Variants in IGHMBP2 observed in about 807,000 individuals in gnomAD.
IGHMBP2 encodes the protein DNA-binding protein SMUBP-2.
In IGHMBP2, 81 loss-of-function variants were observed where a neutral mutation model predicts 96.0. The ratio of observed to expected loss-of-function variants is 0.84; its 90% CI spans 0.71 to 1.01. The LOEUF is 1.01. Among genes scored for constraint, IGHMBP2 ranks in the 50% least tolerant of loss-of-function variants. The pLI, the probability that IGHMBP2 is intolerant of heterozygous loss-of-function variation, is 0.00. For missense variants in IGHMBP2, 1,227 were observed against 1,306.3 expected, an observed-to-expected ratio of 0.94 and a Z score of 0.94; for synonymous variants, 557 against 548.9, an observed-to-expected ratio of 1.01 and a Z score of -0.21.
At chr11:68,918,596 C>T (rs1408432878) in intron 7 of IGHMBP2, among the ~76,000 whole-genome samples, 3 of 151,904 alleles carry the variant, frequency 2.0e-5, no homozygotes, top group East Asian at 1.9e-4. Flanking sequence ...GAACCAAGAT[C>T]GCGCCACTGC....
chr11:68,919,712 T>A (rs1267404147), intron 7 of IGHMBP2, among the ~76,000 whole-genome samples: 1 of 152,242 alleles, frequency 6.6e-6, no homozygotes, highest in Non-Finnish European at 1.5e-5. Context: ...TTCCTGCAGT[T>A]CTATTGGTTT....
intron 14 of IGHMBP2, 84 bp from the exon 15 acceptor site, chr11:68,939,450 C>T (rs1013379197): frequency 1.4e-6 from 2 of 1,454,874 alleles, no homozygotes; most frequent in Non-Finnish European, 1.9e-6. Context: ...GCGCCTGTGG[C>T]CCCCCAGCTC....
chr11:68,921,246 T>TTTTA (rs547237795), intron 7 of IGHMBP2, among the ~76,000 whole-genome samples: 168 of 151,924 alleles, frequency 1.1e-3, no homozygotes, highest in African/African-American at 4.0e-3. Flanking sequence ...AGGAATTTAT[T>TTTTA]TTTATTTATT....
chr11:68,929,364 C>A lies in IGHMBP2; in HGVS notation c.1235+7C>A. The A allele has an allele frequency of 6.2e-7, 1 of 1,612,302 alleles. No homozygotes were observed. The highest frequency in any genetic ancestry group is 1.1e-5 in the South Asian group (1 of 91,070). ...CCACCACAGTCTCTCACAAGTAAGA[C>A]CCCTTTGCCTCACATGCCCTTCTCT... On this transcript the variant is annotated splice_region_variant and intron_variant, in intron 8 of 14. Transcript: ENST00000255078.
intron 1 of IGHMBP2, 25 bp from the exon 2 acceptor site, chr11:68,906,044 A>G: frequency 6.2e-7 from 1 of 1,612,102 alleles, no homozygotes; most frequent in South Asian, 1.1e-5. Context: ...AAAATCCTGA[A>G]GCATCAATAC....
chr11:68,908,114 G>T (rs1858274541), intron 2 of IGHMBP2, 31 bp from the exon 3 acceptor site: 2 of 1,572,722 alleles, frequency 1.3e-6, no homozygotes, highest in Non-Finnish European at 8.7e-7. Context: ...TTTCCCCAGT[G>T]TCTTGTGTCA....
At chr11:68,939,184 T>TG (rs1566449197) in intron 14 of IGHMBP2, among the ~76,000 whole-genome samples, 1 of 152,010 alleles carries the variant, frequency 6.6e-6, no homozygotes, top group Non-Finnish European at 1.5e-5. Flanking sequence ...CTGAAGGCAG[T>TG]GGGGTACCCT....
intron 7 of IGHMBP2, among the ~76,000 whole-genome samples, chr11:68,928,087 G>A (rs1244917593): frequency 6.6e-6 from 1 of 152,244 alleles, no homozygotes; most frequent in African/African-American, 2.4e-5. Context: ...CTTTCGTGGA[G>A]GAGAGAATTC....
chr11:68,913,144 T>G (rs1177317885), intron 5 of IGHMBP2, among the ~76,000 whole-genome samples: 1 of 147,100 alleles, frequency 6.8e-6, no homozygotes, highest in Non-Finnish European at 1.5e-5. Context: ...GCAATGGAAC[T>G]CGGGCAGAGC....
chr11:68,922,660 G>C (rs1168132550), intron 7 of IGHMBP2, among the ~76,000 whole-genome samples: 1 of 152,140 alleles, frequency 6.6e-6, no homozygotes, highest in African/African-American at 2.4e-5. Context: ...TCCCAGAGTG[G>C]TGGGATTACA....
At chr11:68,930,604 G>A (rs1410413532) in intron 8 of IGHMBP2, 2 of 833,102 alleles carry the variant, frequency 2.4e-6, no homozygotes, top group African/African-American at 3.7e-5. Context: ...GGATCTCTGG[G>A]GTGTTGATTT....
At chr11:68,905,098 A>C (rs1239670547) in intron 1 of IGHMBP2, among the ~76,000 whole-genome samples, 1 of 152,118 alleles carries the variant, frequency 6.6e-6, no homozygotes, top group Non-Finnish European at 1.5e-5. Context: ...GCCCGGCCGC[A>C]GTGTAGGTTT....
In IGHMBP2 at chr11:68,938,164, G is replaced by T; in HGVS notation, c.2612-18G>T. 1 of 1,613,924 alleles carries T rather than the reference G, an allele frequency of 6.2e-7. No homozygotes were observed. The highest frequency in any genetic ancestry group is 8.5e-7 in the Non-Finnish European group (1 of 1,179,950). ...GTGTTGTCTTTCCGTTTGCCTGAGT[G>T]ACGCGGGTCTTCTCCAGGACATCCG... On this transcript the variant is annotated intron_variant, in intron 13 of 14. Coordinates refer to ENST00000255078, the MANE Select transcript of IGHMBP2 (RefSeq NM_002180.3).
intron 2 of IGHMBP2, 72 bp downstream of exon 2, chr11:68,906,310 G>C: frequency 6.6e-7 from 1 of 1,504,452 alleles, no homozygotes; most frequent in Non-Finnish European, 9.2e-7. Flanking sequence ...CCCTCGTAAA[G>C]ACTGGATTAA....
intron 10 of IGHMBP2, 79 bp from the exon 11 acceptor site, chr11:68,934,385 G>A: frequency 2.0e-6 from 2 of 981,554 alleles, no homozygotes; most frequent in Non-Finnish European, 3.2e-6. Flanking sequence ...AGACAGAAAC[G>A]TGCCCGAAAC....
At chr11:68,907,181 A>G (rs556945769) in intron 2 of IGHMBP2, among the ~76,000 whole-genome samples, 1 of 152,180 alleles carries the variant, frequency 6.6e-6, no homozygotes, top group Admixed American at 6.5e-5. Flanking sequence ...GGATCGCTTG[A>G]ACCTGGGAGG....
At position 68,933,854 on chromosome 11, in the gene IGHMBP2, C is replaced by A; in HGVS notation, c.1478C>A (p.Thr493Asn). 6.2e-7 allele frequency: 1 copy of A among 1,608,540 alleles called. No homozygotes were observed. The highest frequency in any genetic ancestry group is 8.5e-7 in the Non-Finnish European group (1 of 1,177,472). The part of the protein sequence containing the change: ...ETGVPLLLVD[T>N]AGCGLFELEE... Reference sequence around the variant, plus strand: ...GGTGTGCCCCTGCTCTTGGTGGACACCGCCGGCTGCGGGCTGTTTGAGCTG... The same window carrying A: ...GGTGTGCCCCTGCTCTTGGTGGACAACGCCGGCTGCGGGCTGTTTGAGCTG... Residue 493 changes from threonine (T) to asparagine (N), a missense_variant, in exon 10 of 15, where the codon ACC becomes AAC. This residue lies in a region of IGHMBP2 where 703 missense variants were observed against 770.3 expected (regional missense o/e 0.91). Coordinates refer to ENST00000255078, the MANE Select transcript of IGHMBP2 (RefSeq NM_002180.3).
rs1859331207 is a variant in IGHMBP2 at position 68,932,068 on chromosome 11, C to CG, written c.1236-1227dup. 3.4e-5 allele frequency among the ~76,000 whole-genome samples: 3 copies of CG among 89,060 alleles called. No individual in the cohort carries two copies. The South Asian group carries it at 1.2e-3, about 36-fold the overall frequency. The allele number at this position is 89,060 out of a possible 152,430, so 58.4% of individuals were successfully genotyped here. Reference sequence around the variant, plus strand: ...TTCCCTGGAGACAGTAGGATGGTTTCGGGGAAAACATTGGGTGGCGTTCCC... The same window carrying CG: ...TTCCCTGGAGACAGTAGGATGGTTTCGGGGGAAAACATTGGGTGGCGTTCCC... On this transcript the variant is annotated intron_variant, in intron 8 of 14. Transcript: ENST00000255078.
intron 1 of IGHMBP2, 57 bp from the exon 2 acceptor site, chr11:68,906,012 T>C: frequency 6.6e-7 from 1 of 1,506,048 alleles, no homozygotes; most frequent in South Asian, 1.1e-5. Context: ...TTTTCCTGGG[T>C]GGGTGGAAGT....
Sources: allele counts gnomAD v4.1 joint callset (sites outside exome capture counted in the v4.1 genomes callset), GRCh38; gene constraint gnomAD v4.1.1; regional missense constraint gnomAD v4.1.1; transcripts MANE v1.5; gene names NCBI Gene and HGNC (gene_info 2026-07-23, HGNC 2026-07-21).